Variants in ALDH3A1 observed in about 807,000 individuals in gnomAD.
ALDH3A1 encodes the protein aldehyde dehydrogenase, dimeric NADP-preferring.
In ALDH3A1, 46 loss-of-function variants were observed where a neutral mutation model predicts 49.9. The observed-to-expected ratio is 0.92, with a 90% CI of 0.73 to 1.18. The LOEUF is 1.18. Ranked by LOEUF, ALDH3A1 falls within the 50% of genes most tolerant of loss-of-function variation. The pLI, the probability that ALDH3A1 is intolerant of heterozygous loss-of-function variation, is 0.00. For missense variants in ALDH3A1, 592 were observed against 611.8 expected, an observed-to-expected ratio of 0.97 and a Z score of 0.34; for synonymous variants, 269 against 253.3, an observed-to-expected ratio of 1.06 and a Z score of -0.59.
Position 19,745,086 on chromosome 17 carries a change from A to C in ALDH3A1, c.44T>G (p.Phe15Cys). 6.3e-7 allele frequency: 1 copy of C among 1,589,796 alleles called. No homozygotes were observed. Among genetic ancestry groups the C allele is most frequent in the East Asian group, 2.3e-5 (1 of 43,944 alleles). Residue 15 changes from phenylalanine to cysteine, a missense_variant, in exon 2 of 11, where the codon TTC (phenylalanine) becomes TGC (cysteine). Coordinates refer to ENST00000225740, the MANE Select transcript of ALDH3A1 (RefSeq NM_000691.5). Reference sequence around the variant, plus strand: ...CAGCGGACGGGTCCTGCCCGAGCTGAAGGCGGCGCGGGCGCGCTTCACGGC... The same window carrying C: ...CAGCGGACGGGTCCTGCCCGAGCTGCAGGCGGCGCGGGCGCGCTTCACGGC... ...SEAVKRARAA[F>C]SSGRTRPLQF...
chr17:19,745,146 G>C lies in ALDH3A1; in HGVS notation c.-5-12C>G, dbSNP rs368233404. On this transcript the variant is annotated splice_polypyrimidine_tract_variant and intron_variant, in intron 1 of 10. Transcript: ENST00000225740. ...CTTGCTCATGGCGCCTGGGGACAGA[G>C]AGCACCTGCAGCTGGCTGAGGGGCA... The C allele has an allele frequency of 6.4e-7, 1 of 1,558,290 alleles. No individual in the cohort carries two copies. The highest frequency in any genetic ancestry group is 8.6e-7 in the Non-Finnish European group (1 of 1,157,700).
chr17:19,744,914 C>CCCCCCCCCCCCCCCCCGG, intron 2 of ALDH3A1, 54 bp downstream of exon 2: 4 of 1,196,488 alleles, frequency 3.3e-6, no homozygotes, highest in Non-Finnish European at 3.3e-6. Flanking sequence ...CCTCCCCCCA[C>CCCCCCCCCCCCCCCCCGG]GCCCCATCGC....
chr17:19,738,673 TC>T lies in ALDH3A1; in HGVS notation c.1217-221del, dbSNP rs4646792. On this transcript the variant is annotated intron_variant, in intron 9 of 10. Transcript: ENST00000225740. ...CTGAGGGTGGCCAATGTCTAGGGTG[TC>T]CCCAGGGCATCCACACTGTGGGAGT... The T allele has an allele frequency of 1.3e-3, 839 of 666,298 alleles. 13 individuals are homozygous for T. In the East Asian group the frequency reaches 0.021, roughly 17 times the overall value. 41.3% of individuals were successfully genotyped at this position (666,298 alleles called of 1,614,324 possible).
chr17:19,742,466 C>T, intron 4 of ALDH3A1, 79 bp downstream of exon 4: 3 of 1,488,482 alleles, frequency 2.0e-6, no homozygotes, highest in Non-Finnish European at 9.2e-7. Flanking sequence ...CAAGAATTCA[C>T]TATTTCTCAC....
chr17:19,740,591 G>A (rs772016657), intron 6 of ALDH3A1, 114 bp from the exon 7 acceptor site: 10 of 1,198,346 alleles, frequency 8.3e-6, no homozygotes, highest in Non-Finnish European at 1.1e-5. Flanking sequence ...TCTGGGTGGA[G>A]CTTTTTTCTT....
In ALDH3A1 at chr17:19,744,849, G is replaced by C. The variant is rs1169128501; in HGVS notation, c.162+119C>G. 9 of 1,360,580 alleles carry C rather than the reference G, an allele frequency of 6.6e-6. No individual in the cohort carries two copies. The South Asian group carries it at 1.3e-4, about 20-fold the overall frequency. The allele number at this position is 1,360,580 out of a possible 1,614,324, so 84.3% of individuals were successfully genotyped here. On this transcript the variant is annotated intron_variant, in intron 2 of 10. Coordinates refer to ENST00000225740, the MANE Select transcript of ALDH3A1 (RefSeq NM_000691.5). ...GTGCGCCCAGTCTCCGCGACCGAGG[G>C]GCCAGGTGGCCCCAAGTCCTTCCTG...
chr17:19,739,421 C>T (rs903404970), intron 8 of ALDH3A1, 87 bp downstream of exon 8: 20 of 1,460,590 alleles, frequency 1.4e-5, no homozygotes, highest in Non-Finnish European at 1.5e-5. Flanking sequence ...CAAGGTCACA[C>T]AGCCAGAGAA....
In ALDH3A1 at chr17:19,738,040, C is replaced by T. The variant is rs745577678; in HGVS notation, c.*181G>A. ...TTATTGGTCTAGAAAGGGGTGGAGA[C>T]TTGGAATGGTGAGGCCTGGGCCCAT... On this transcript the variant is annotated 3_prime_UTR_variant, in exon 11 of 11. Transcript: ENST00000225740. The T allele has an allele frequency of 2.0e-6, 3 of 1,524,820 alleles. No homozygotes were observed. Among genetic ancestry groups the T allele is most frequent in the East Asian group, 2.4e-5 (1 of 40,876 alleles). The allele number at this position is 1,524,820 out of a possible 1,614,324, so 94.5% of individuals were successfully genotyped here. A position where few individuals can be genotyped will look rare whatever the true frequency, so the allele number is the denominator to read the frequency against.
Position 19,742,009 on chromosome 17 carries a change from G to A in ALDH3A1, c.684C>T (p.Ala228=), listed in dbSNP as rs775040136. 1.2e-5 allele frequency: 20 copies of A among 1,613,792 alleles called. No individual in the cohort carries two copies. The highest frequency in any genetic ancestry group is 1.7e-5 in the Non-Finnish European group (20 of 1,179,994). Residue 228 remains alanine (A), a synonymous_variant, in exon 5 of 11, where the codon GCC becomes GCT. Coordinates refer to ENST00000225740, the MANE Select transcript of ALDH3A1 (RefSeq NM_000691.5). The part of the protein sequence containing the change: ...YVDKNCDLDV[A]CRRIAWGKFM... ...AGCAGGCCCGTGCCTCTCACCGGCA[G>A]GCCACGTCCAGGTCACAGTTCTTGT...
chr17:19,743,488 C>A lies in ALDH3A1; in HGVS notation c.163-25G>T. On this transcript the variant is annotated intron_variant, in intron 2 of 10. Coordinates refer to ENST00000225740, the MANE Select transcript of ALDH3A1 (RefSeq NM_000691.5). This position sits in a 1 kb window ranked among gnomAD's most constrained non-coding sequence, Gnocchi z 4.4. ...TCTGCAGCGACAGAGCCGGAGTGAG[C>A]TTCCAGGGCCAGGGCCCGCCTGCAG... 1 of 1,565,742 alleles carries A rather than the reference C, an allele frequency of 6.4e-7. No homozygotes were observed.
At position 19,739,490 on chromosome 17, in the gene ALDH3A1, C is replaced by A; in HGVS notation, c.1116+18G>T. Reference sequence around the variant, plus strand: ...GCCCCAGGACCCTGGCAGAGGGCACCCCAGGCCCACCACCCACCTTGTCGT... The same window carrying A: ...GCCCCAGGACCCTGGCAGAGGGCACACCAGGCCCACCACCCACCTTGTCGT... On this transcript the variant is annotated intron_variant, in intron 8 of 10. Coordinates refer to ENST00000225740, the MANE Select transcript of ALDH3A1 (RefSeq NM_000691.5). 2 of 1,600,558 alleles carry A rather than the reference C, an allele frequency of 1.2e-6. No individual in the cohort carries two copies. The highest frequency in any genetic ancestry group is 1.7e-6 in the Non-Finnish European group (2 of 1,174,490).
At position 19,743,829 on chromosome 17, in the gene ALDH3A1, G is replaced by C. The variant is rs372454117; in HGVS notation, c.163-366C>G. The C allele has an allele frequency of 1.0e-6, 1 of 980,848 alleles. No individual in the cohort carries two copies. Among genetic ancestry groups the C allele is most frequent in the Non-Finnish European group, 1.2e-6 (1 of 826,322 alleles). The allele number at this position is 980,848 out of a possible 1,614,324, so 60.8% of individuals were successfully genotyped here. ...GGGAGGGGGGGATGGATCCGGGGAGGGGGGATAGATTCGGGCACTGGGAGC... is the reference window on the plus strand; with the variant it reads ...GGGAGGGGGGGATGGATCCGGGGAGCGGGGATAGATTCGGGCACTGGGAGC... On this transcript the variant is annotated intron_variant, in intron 2 of 10. Coordinates refer to ENST00000225740, the MANE Select transcript of ALDH3A1 (RefSeq NM_000691.5). This position sits in a 1 kb window ranked among gnomAD's most constrained non-coding sequence, Gnocchi z 4.4.
At chr17:19,742,799 G>A (rs755646383) in intron 3 of ALDH3A1, 169 bp from the exon 4 acceptor site, 22 of 1,535,132 alleles carry the variant, frequency 1.4e-5, no homozygotes, top group African/African-American at 9.6e-5. Context: ...GAGCACGCAC[G>A]GGCACATGAC....
rs950473030 is a variant in ALDH3A1, at chr17:19,743,069, A to G, written c.394+163T>C. The G allele has an allele frequency of 6.5e-7, 1 of 1,534,226 alleles. No individual in the cohort carries two copies. Among genetic ancestry groups the G allele is most frequent in the African/African-American group, 1.4e-5 (1 of 73,144 alleles). The stretch of plus-strand genomic sequence containing the variant: ...TGAGCCTGACTGGACCTCAGGCACC[A>G]AGAGGCCTGGCTAAACAGCTTGGTC... On this transcript the variant is annotated intron_variant, in intron 3 of 10. Coordinates refer to ENST00000225740, the MANE Select transcript of ALDH3A1 (RefSeq NM_000691.5). This position sits in a 1 kb window ranked among gnomAD's most constrained non-coding sequence, Gnocchi z 4.4.
At chr17:19,742,680 C>T (rs759937616) in intron 3 of ALDH3A1, 50 bp from the exon 4 acceptor site, 121 of 1,612,604 alleles carry the variant, frequency 7.5e-5, no homozygotes, top group Middle Eastern at 1.6e-4. Flanking sequence ...TCACCAGAGG[C>T]TCTGCCCTCC....
intron 1 of ALDH3A1, chr17:19,745,387 G>C: frequency 6.3e-6 from 3 of 474,878 alleles, no homozygotes; most frequent in Non-Finnish European, 1.1e-5. Context: ...TGCTGCTGGG[G>C]GCTCTTGGCA....
intron 8 of ALDH3A1, 124 bp from the exon 9 acceptor site, chr17:19,739,219 G>T (rs2086444534): frequency 1.1e-6 from 1 of 907,318 alleles, no homozygotes; most frequent in Middle Eastern, 2.2e-4. Context: ...CAGAGCCTTA[G>T]CCTCCATCTC....
At chr17:19,746,521 C>A (rs1397073079) in intron 1 of ALDH3A1, among the ~76,000 whole-genome samples, 2 of 151,378 alleles carry the variant, frequency 1.3e-5, no homozygotes, top group Non-Finnish European at 2.9e-5. Context: ...TTACTTTCAG[C>A]GAGACTCCAT....
intron 5 of ALDH3A1, 106 bp downstream of exon 5, chr17:19,741,898 G>T: frequency 9.0e-7 from 1 of 1,116,016 alleles, no homozygotes. Context: ...CCATGAGGCA[G>T]GGGGTGTCTG....
Sources: gnomAD v4.1 joint callset for allele counts (sites outside exome capture counted in the v4.1 genomes callset) on GRCh38, gnomAD v4.1.1 for gene constraint, Gnocchi (gnomAD v3.1) non-coding constraint, MANE v1.5 for transcripts, NCBI Gene and HGNC (gene_info 2026-07-23, HGNC 2026-07-21) for gene names.